Variants in UBR1 observed in about 807,000 individuals in gnomAD.
UBR1 encodes the protein E3 ubiquitin-protein ligase UBR1.
In UBR1, 102 loss-of-function variants were observed where a neutral mutation model predicts 242.1. That is an observed-to-expected ratio of 0.42 (90% CI 0.36 to 0.50). UBR1 has a LOEUF of 0.50. Among genes scored for constraint, UBR1 ranks in the 20% least tolerant of loss-of-function variants. The probability of loss-of-function intolerance (pLI) is 0.01; values close to 1 mark genes in which losing one functional copy is unlikely to be tolerated. For missense variants in UBR1, 1,772 were observed against 2,101.8 expected, an observed-to-expected ratio of 0.84 and a Z score of 3.07; for synonymous variants, 675 against 684.8, an observed-to-expected ratio of 0.99 and a Z score of 0.22.
chr15:42,950,245 T>A lies in UBR1; in HGVS notation c.5108+17A>T. On this transcript the variant is annotated intron_variant, in intron 46 of 46. Transcript: ENST00000290650. Reference sequence around the variant, plus strand: ...AGAACTTACTGAAACCTTCCTATTATATAAAAAAAATCTTACTTCAGGCCA... The same window carrying A: ...AGAACTTACTGAAACCTTCCTATTAAATAAAAAAAATCTTACTTCAGGCCA... 1.2e-6 allele frequency: 2 copies of A among 1,605,910 alleles called. No individual in the cohort carries two copies. Among genetic ancestry groups the A allele is most frequent in the Non-Finnish European group, 1.7e-6 (2 of 1,172,602 alleles).
chr15:43,036,120 C>T, intron 19 of UBR1, 58 bp downstream of exon 19: 1 of 1,385,956 alleles, frequency 7.2e-7, no homozygotes, highest in South Asian at 1.2e-5. Flanking sequence ...TAAAATATGA[C>T]TGAAATAGTA....
At chr15:43,077,344 G>C (rs2033918986) in intron 3 of UBR1, among the ~76,000 whole-genome samples, 1 of 151,946 alleles carries the variant, frequency 6.6e-6, no homozygotes, top group Admixed American at 6.6e-5. Context: ...GTTGATCTGT[G>C]ACCTTATCCC....
intron 1 of UBR1, 27 bp from the exon 2 acceptor site, chr15:43,086,267 A>C (rs768782281): frequency 6.2e-7 from 1 of 1,612,760 alleles, no homozygotes; most frequent in Non-Finnish European, 8.5e-7. Context: ...TGAAAATTAG[A>C]CTGACTTACA....
chr15:42,995,108 C>G (rs1228152692), intron 33 of UBR1, among the ~76,000 whole-genome samples: 1 of 151,968 alleles, frequency 6.6e-6, no homozygotes, highest in African/African-American at 2.4e-5. Flanking sequence ...TCACAGAGGT[C>G]CTACTGCTAA....
chr15:43,043,306 T>C lies in UBR1; in HGVS notation c.1758A>G (p.Val586=), dbSNP rs764409877. The C allele has an allele frequency of 6.8e-6, 11 of 1,614,030 alleles. No homozygotes were observed. The highest frequency in any genetic ancestry group is 1.7e-5 in the Admixed American group (1 of 59,998). ...TTTCCAAACTATGTCCACACGATTG[T>C]ACTACTGTCTTGCTACTAGATATGA... ...TSFISSSKTV[V]QSCGHSLETK... The change falls in exon 15 of 47, where the codon GTA becomes GTG. Residue 586 remains valine, a synonymous_variant. Transcript: ENST00000290650.
chr15:43,081,730 A>G (rs961580748), intron 3 of UBR1, among the ~76,000 whole-genome samples: 1 of 152,046 alleles, frequency 6.6e-6, no homozygotes, highest in African/African-American at 2.4e-5. Flanking sequence ...TTTAAGATGT[A>G]TGTTTGGCAA....
chr15:43,033,259 T>C (rs536458931), intron 19 of UBR1, among the ~76,000 whole-genome samples: 1 of 152,146 alleles, frequency 6.6e-6, no homozygotes, highest in Non-Finnish European at 1.5e-5. Flanking sequence ...ACACCTGTAA[T>C]CCCAGCACTT....
At chr15:42,947,353 T>G (rs1224760542) in intron 46 of UBR1, among the ~76,000 whole-genome samples, 1 of 152,156 alleles carries the variant, frequency 6.6e-6, no homozygotes, top group Non-Finnish European at 1.5e-5. Flanking sequence ...TTTGGAGAAG[T>G]TGTTGAAAAT....
At chr15:42,948,965 A>G (rs1287467060) in intron 46 of UBR1, among the ~76,000 whole-genome samples, 1 of 152,120 alleles carries the variant, frequency 6.6e-6, no homozygotes. Flanking sequence ...TGCTGCTATA[A>G]AGACACATGC....
At chr15:42,986,226 A>C (rs2032457332) in intron 35 of UBR1, among the ~76,000 whole-genome samples, 1 of 152,130 alleles carries the variant, frequency 6.6e-6, no homozygotes, top group Admixed American at 6.5e-5. Flanking sequence ...TTCTGTACAT[A>C]TCTCTCCATC....
At chr15:42,964,105 TAG>T in intron 41 of UBR1, 62 bp from the exon 42 acceptor site, 2 of 1,130,856 alleles carry the variant, frequency 1.8e-6, no homozygotes, top group Non-Finnish European at 2.6e-6. Flanking sequence ...ATCTGTGCAT[TAG>T]AGTTTCTTCA....
At chr15:42,954,668 G>A (rs1294082055) in intron 44 of UBR1, among the ~76,000 whole-genome samples, 1 of 152,144 alleles carries the variant, frequency 6.6e-6, no homozygotes, top group Non-Finnish European at 1.5e-5. Context: ...GCACGTTGAA[G>A]TGACTCTCGT....
At chr15:43,060,157 C>G in intron 6 of UBR1, 43 bp from the exon 7 acceptor site, 1 of 1,577,352 alleles carries the variant, frequency 6.3e-7, no homozygotes, top group Non-Finnish European at 8.7e-7. Context: ...GAAATGATAA[C>G]CACAATCAAT....
rs1365078159 is a variant in UBR1 at position 42,944,385 on chromosome 15, G to A, written c.*944C>T. 3 of 152,538 alleles carry A rather than the reference G, an allele frequency of 2.0e-5. No individual in the cohort carries two copies. The highest frequency in any genetic ancestry group is 2.0e-4 in the Admixed American group (3 of 15,274). The allele number at this position is 152,538 out of a possible 1,614,324, so 9.4% of individuals were successfully genotyped here. On this transcript the variant is annotated 3_prime_UTR_variant, in exon 47 of 47. Transcript: ENST00000290650. ...AAAGGTTGCACACAGACAACATCAA[G>A]GATTTGTCTTTTACAAAGATATAGA...
At chr15:43,092,686 T>A (rs2034117970) in intron 1 of UBR1, among the ~76,000 whole-genome samples, 1 of 152,148 alleles carries the variant, frequency 6.6e-6, no homozygotes, top group Non-Finnish European at 1.5e-5. Context: ...CCCAAGTAGC[T>A]GGGACTACGG....
intron 6 of UBR1, among the ~76,000 whole-genome samples, chr15:43,064,732 A>G (rs776672862): frequency 1.3e-5 from 2 of 152,020 alleles, no homozygotes; most frequent in Non-Finnish European, 2.9e-5. Flanking sequence ...ATGTGCCACT[A>G]CGCCCAGCTA....
intron 46 of UBR1, among the ~76,000 whole-genome samples, chr15:42,947,008 G>A (rs1180113628): frequency 6.6e-5 from 10 of 152,028 alleles, no homozygotes; most frequent in South Asian, 4.2e-4. Context: ...AAAATTAGCC[G>A]GGTGTGGTGG....
At chr15:42,975,600 T>C (rs1389925901) in intron 39 of UBR1, among the ~76,000 whole-genome samples, 1 of 152,224 alleles carries the variant, frequency 6.6e-6, no homozygotes, top group African/African-American at 2.4e-5. Flanking sequence ...TATTCTGACA[T>C]CACTTTAATT....
At chr15:43,004,348 T>C (rs1432506077) in intron 30 of UBR1, among the ~76,000 whole-genome samples, 1 of 147,262 alleles carries the variant, frequency 6.8e-6, no homozygotes, top group Admixed American at 6.7e-5. Context: ...CCTCTCTCTC[T>C]CCCTCCTCTC....
Sources: gnomAD v4.1 joint callset for allele counts (sites outside exome capture counted in the v4.1 genomes callset) on GRCh38, gnomAD v4.1.1 for gene constraint, MANE v1.5 for transcripts, NCBI Gene and HGNC (gene_info 2026-07-23, HGNC 2026-07-21) for gene names.